PUS10: variants seen among roughly 807,000 people sequenced by gnomAD.
PUS10 encodes pseudouridine synthase 10.
Under a neutral mutation model 75.0 loss-of-function variants are expected in PUS10, and 59 were observed. The observed-to-expected ratio is 0.79, with a 90% CI of 0.64 to 0.98. PUS10 has a LOEUF of 0.98. PUS10 is among the 50% of genes least tolerant of loss of function. PUS10 has a pLI of 0.00. For synonymous variants in PUS10, 219 were observed against 211.6 expected (o/e 1.03, Z -0.30); for missense variants, 650 against 614.4 (o/e 1.06, Z -0.61).
rs1232400584 is a variant in PUS10 at position 60,976,994 on chromosome 2, A to T, written c.469-5437T>A. 2.0e-5 allele frequency among the ~76,000 whole-genome samples: 3 copies of T among 152,312 alleles called. 1 individual carries two copies. Among genetic ancestry groups the T allele is most frequent in the Admixed American group, 2.0e-4 (3 of 15,298 alleles). ...AGTATGTCACCTCTGGAAAATTAAGAAAACACAATTTAATCCTGGACTATG... is the reference window on the plus strand; with the variant it reads ...AGTATGTCACCTCTGGAAAATTAAGTAAACACAATTTAATCCTGGACTATG... On this transcript the variant is annotated intron_variant, in intron 4 of 17. Transcript: ENST00000316752.
chr2:60,967,719 T>C, intron 5 of PUS10, 106 bp from the exon 6 acceptor site: 10 of 711,448 alleles, frequency 1.4e-5, no homozygotes, highest in Non-Finnish European at 2.4e-5. Context: ...GTGCCTAGTA[T>C]GTACCAGGCA....
intron 4 of PUS10, among the ~76,000 whole-genome samples, chr2:60,987,243 C>T (rs1573468905): frequency 6.6e-6 from 1 of 152,118 alleles, no homozygotes. Flanking sequence ...ATGACCAAGG[C>T]AGATTTAACC....
At chr2:60,974,788 G>A (rs980800436) in intron 4 of PUS10, among the ~76,000 whole-genome samples, 9 of 152,238 alleles carry the variant, frequency 5.9e-5, no homozygotes, top group South Asian at 2.1e-4. Context: ...TGCTGTGTGC[G>A]ATGGCTGGAC....
intron 4 of PUS10, among the ~76,000 whole-genome samples, chr2:60,972,124 C>T (rs1384323315): frequency 6.9e-6 from 1 of 145,734 alleles, no homozygotes; most frequent in African/African-American, 2.5e-5. Context: ...CCACCTCGGC[C>T]TCCCAAAGTG....
intron 2 of PUS10, chr2:61,009,876 T>C (rs1679485451): frequency 6.6e-6 from 1 of 152,250 alleles, no homozygotes; most frequent in South Asian, 2.1e-4. Flanking sequence ...ATTGAGAAAT[T>C]AGCTCTCCTG....
chr2:60,952,465 T>G (rs1455814986), intron 15 of PUS10, among the ~76,000 whole-genome samples: 3 of 152,066 alleles, frequency 2.0e-5, no homozygotes, highest in African/African-American at 4.8e-5. Flanking sequence ...AAATGTCACA[T>G]GTGGCAAAAT....
At chr2:60,947,425 C>A (rs1330224980) in intron 16 of PUS10, among the ~76,000 whole-genome samples, 3 of 152,220 alleles carry the variant, frequency 2.0e-5, no homozygotes, top group African/African-American at 7.2e-5. Context: ...ATGAATCCAT[C>A]TTTCTGAGTA....
intron 4 of PUS10, among the ~76,000 whole-genome samples, chr2:60,990,221 T>G (rs1048972008): frequency 9.9e-5 from 15 of 152,146 alleles, no homozygotes; most frequent in African/African-American, 3.6e-4. Flanking sequence ...TTACTATTTA[T>G]GAAAAGCTAA....
chr2:61,010,711 T>C, intron 2 of PUS10: 3 of 1,471,262 alleles, frequency 2.0e-6, no homozygotes, highest in Non-Finnish European at 2.8e-6. Flanking sequence ...ATCATTCCCA[T>C]TTACAGAGGA....
intron 1 of PUS10, among the ~76,000 whole-genome samples, chr2:61,016,800 G>T (rs1680012601): frequency 2.0e-5 from 3 of 152,154 alleles, no homozygotes. Flanking sequence ...ACCAGACTGA[G>T]TCTCATATCC....
In PUS10 at chr2:60,945,108, G is replaced by C. The variant is rs1443758104; in HGVS notation, c.1452C>G (p.Thr484=). 1 of 1,609,144 alleles carries C rather than the reference G, an allele frequency of 6.2e-7. No individual in the cohort carries two copies. Among genetic ancestry groups the C allele is most frequent in the Non-Finnish European group, 8.5e-7 (1 of 1,175,642 alleles). ...FRLHLKTQAG[T]YIKEFVHGDF... is the part of the protein sequence containing the mutation. ...CTCCATGTACAAACTCTTTAATGTA[G>C]CTGGGGTTTGTTTAAGGAAAAAATG... Residue 484 remains threonine, a splice_region_variant and synonymous_variant, in exon 17 of 18, where the codon ACC becomes ACG. Transcript: ENST00000316752.
chr2:61,007,228 T>A (rs2564119), intron 3 of PUS10, among the ~76,000 whole-genome samples: 52,920 of 150,340 alleles, frequency 0.35, 9,717 homozygotes, highest in East Asian at 0.44. Context: ...TTTTTTTTTT[T>A]AAAAAAAAGA....
Position 60,948,086 on chromosome 2 carries a change from C to T in PUS10, c.1408G>A (p.Asp470Asn). ...VIHFMETQYVDEHHFRLHLKT... is the reference protein window; with the variant it reads ...VIHFMETQYVNEHHFRLHLKT... Reference sequence around the variant, plus strand: ...AAGTGGAGGCGGAAGTGGTGCTCATCCACGTACTGTGTCTCCATGAAGTGA... The same window carrying T: ...AAGTGGAGGCGGAAGTGGTGCTCATTCACGTACTGTGTCTCCATGAAGTGA... The change falls in exon 16 of 18, where the codon GAT (aspartate) becomes AAT (asparagine). Residue 470 changes from aspartate to asparagine, a missense_variant. Asp to Asn is a conservative substitution (Grantham distance 23, BLOSUM62 1). Coordinates refer to ENST00000316752, the MANE Select transcript of PUS10 (RefSeq NM_144709.4). 1 of 1,614,116 alleles carries T rather than the reference C, an allele frequency of 6.2e-7. No individual in the cohort carries two copies. The highest frequency in any genetic ancestry group is 8.5e-7 in the Non-Finnish European group (1 of 1,180,022).
At chr2:60,957,892 CA>C (rs1384571946) in intron 11 of PUS10, among the ~76,000 whole-genome samples, 3 of 152,254 alleles carry the variant, frequency 2.0e-5, no homozygotes, top group African/African-American at 7.2e-5. Flanking sequence ...CACAGGTGCA[CA>C]ACCCCACACA....
chr2:60,976,013 C>T (rs558212942), intron 4 of PUS10, among the ~76,000 whole-genome samples: 10 of 152,240 alleles, frequency 6.6e-5, no homozygotes, highest in East Asian at 1.9e-4. Context: ...CTGCCTACCT[C>T]GGCCTCTCAA....
At chr2:60,975,359 A>C (rs555685127) in intron 4 of PUS10, among the ~76,000 whole-genome samples, 194 of 152,052 alleles carry the variant, frequency 1.3e-3, no homozygotes, top group African/African-American at 4.5e-3. Flanking sequence ...GTTGGCCAGG[A>C]TGGTCTCAGT....
Position 61,010,597 on chromosome 2 carries a change from T to C in PUS10, c.126+1168A>G, listed in dbSNP as rs897582070. 10 of 548,934 alleles carry C rather than the reference T, an allele frequency of 1.8e-5. No homozygotes were observed. The African/African-American group carries it at 1.9e-4, about 10-fold the overall frequency. The allele number at this position is 548,934 out of a possible 1,614,324, so 34.0% of individuals were successfully genotyped here. A position where few individuals can be genotyped will look rare whatever the true frequency, so the allele number is the denominator to read the frequency against. On this transcript the variant is annotated intron_variant, in intron 2 of 17. Coordinates refer to ENST00000316752, the MANE Select transcript of PUS10 (RefSeq NM_144709.4). ...GCCTCGGCCTCCCAAAGTGCTAGGATTACAGGCGTGAGCCACCGCACCCAG... is the reference window on the plus strand; with the variant it reads ...GCCTCGGCCTCCCAAAGTGCTAGGACTACAGGCGTGAGCCACCGCACCCAG...
intron 4 of PUS10, among the ~76,000 whole-genome samples, chr2:60,990,828 C>T (rs1573477207): frequency 6.6e-6 from 1 of 152,298 alleles, no homozygotes; most frequent in Non-Finnish European, 1.5e-5. Context: ...TCACTGCAGC[C>T]TCCACGTCTG....
intron 4 of PUS10, among the ~76,000 whole-genome samples, chr2:60,972,157 C>G (rs1676720318): frequency 2.1e-5 from 3 of 140,596 alleles, no homozygotes; most frequent in African/African-American, 7.7e-5. Context: ...GCGTGAGCCA[C>G]CGCGCCCAGC....
Sources: allele counts gnomAD v4.1 joint callset (sites outside exome capture counted in the v4.1 genomes callset), GRCh38; gene constraint gnomAD v4.1.1; transcripts MANE v1.5; gene names NCBI Gene and HGNC (gene_info 2026-07-23, HGNC 2026-07-21).